FAAH2: variants seen among roughly 807,000 people sequenced by gnomAD.
FAAH2 encodes fatty acid amide hydrolase 2.
In FAAH2, 60 loss-of-function variants were observed where a neutral mutation model predicts 36.9. That is an observed-to-expected ratio of 1.63 (90% CI 1.32 to 2.02). The LOEUF (loss-of-function observed/expected upper bound fraction) is 2.02, where lower values mean the gene tolerates loss of function less well. FAAH2 is among the 30% of genes most tolerant of loss of function. The probability of loss-of-function intolerance (pLI) is 0.00; values close to 1 mark genes in which losing one functional copy is unlikely to be tolerated. For missense variants in FAAH2, 689 were observed against 397.5 expected, an observed-to-expected ratio of 1.73 and a Z score of -6.23; for synonymous variants, 214 against 143.8, an observed-to-expected ratio of 1.49 and a Z score of -3.49.
the FAAH2 span, among the ~76,000 whole-genome samples, chrX:57,243,319 G>T: frequency 3.6e-5 from 4 of 111,852 alleles, no homozygotes; most frequent in Non-Finnish European, 5.6e-5. Context: ...GGCTGTGGGC[G>T]CAACTTCAGC....
chrX:57,229,275 G>A, the FAAH2 span: 3 of 111,568 alleles, frequency 2.7e-5, no homozygotes, highest in African/African-American at 9.8e-5. Flanking sequence ...GAGTGAAAAA[G>A]AGGATGAAGA....
chrX:57,123,835 C>T, the FAAH2 span, among the ~76,000 whole-genome samples: 1 of 112,082 alleles, frequency 8.9e-6, no homozygotes, highest in African/African-American at 3.2e-5. Flanking sequence ...CCTTTGCCCA[C>T]TTTTTGATGG....
chrX:57,162,004 G>A, the FAAH2 span, among the ~76,000 whole-genome samples: 1 of 108,816 alleles, frequency 9.2e-6, no homozygotes, highest in African/African-American at 3.3e-5. Flanking sequence ...GGTACCGGTT[G>A]TTCCTTTCCA....
chrX:57,133,594 A>G, the FAAH2 span, among the ~76,000 whole-genome samples: 2 of 111,588 alleles, frequency 1.8e-5, no homozygotes, highest in African/African-American at 3.3e-5. Flanking sequence ...TGAGGGCCCT[A>G]ATCCTCACGT....
intron 3 of FAAH2, among the ~76,000 whole-genome samples, chrX:57,311,166 C>T (rs996924737): frequency 1.8e-5 from 2 of 111,567 alleles, no homozygotes; most frequent in Non-Finnish European, 3.8e-5. Flanking sequence ...AAGTAAACAA[C>T]GTATTTTTAA....
At chrX:57,413,515 G>GATC (rs2055755867) in intron 7 of FAAH2, among the ~76,000 whole-genome samples, 1 of 111,507 alleles carries the variant, frequency 9.0e-6, no homozygotes, top group South Asian at 3.8e-4. Context: ...GTTTGTCGAA[G>GATC]ATCAGATGGT....
the FAAH2 span, among the ~76,000 whole-genome samples, chrX:57,223,165 G>A: frequency 8.9e-6 from 1 of 112,049 alleles, no homozygotes; most frequent in Non-Finnish European, 1.9e-5. Flanking sequence ...CCTTCAAGCT[G>A]CCAGGCTTCT....
chrX:57,189,826 C>G, the FAAH2 span, among the ~76,000 whole-genome samples: 2 of 111,987 alleles, frequency 1.8e-5, no homozygotes, highest in Non-Finnish European at 3.8e-5. Flanking sequence ...GTCTGTCAAC[C>G]CCTCTTGGGA....
the FAAH2 span, among the ~76,000 whole-genome samples, chrX:57,242,470 T>C: frequency 8.9e-6 from 1 of 111,844 alleles, no homozygotes; most frequent in African/African-American, 3.2e-5. Context: ...TGGCTGGCAA[T>C]ATGGCTAAAC....
the FAAH2 span, among the ~76,000 whole-genome samples, chrX:57,185,974 C>A: frequency 9.0e-6 from 1 of 111,400 alleles, no homozygotes; most frequent in Non-Finnish European, 1.9e-5. Context: ...CATTGATGGG[C>A]ATTTGGGTTG....
At chrX:57,192,600 T>C in the FAAH2 span, among the ~76,000 whole-genome samples, 1 of 111,458 alleles carries the variant, frequency 9.0e-6, no homozygotes, top group Non-Finnish European at 1.9e-5. Flanking sequence ...TGTATATGGC[T>C]TTTATTATAT....
chrX:57,204,018 G>T, the FAAH2 span, among the ~76,000 whole-genome samples: 10 of 111,257 alleles, frequency 9.0e-5, no homozygotes, highest in Admixed American at 9.5e-4. Context: ...TCTACCATCT[G>T]ACTGTTTTGT....
intron 5 of FAAH2, among the ~76,000 whole-genome samples, chrX:57,365,118 G>GT (rs1301372984): frequency 6.3e-5 from 7 of 111,250 alleles, no homozygotes; most frequent in African/African-American, 2.3e-4. Context: ...GATTATCTGT[G>GT]TAACTTGTCA....
chrX:57,273,956 A>T, the FAAH2 span, among the ~76,000 whole-genome samples: 1 of 111,703 alleles, frequency 9.0e-6, no homozygotes, highest in Non-Finnish European at 1.9e-5. Flanking sequence ...CCTCCAAAAA[A>T]TCAATGAATT....
chrX:57,312,115 C>T (rs1202821480), intron 3 of FAAH2, among the ~76,000 whole-genome samples: 1 of 112,397 alleles, frequency 8.9e-6, no homozygotes, highest in Non-Finnish European at 1.9e-5. Flanking sequence ...GCCAGCACAG[C>T]ACCATTGATC....
chrX:57,153,401 C>A, the FAAH2 span, among the ~76,000 whole-genome samples: 10 of 111,818 alleles, frequency 8.9e-5, no homozygotes, highest in East Asian at 2.0e-3. Flanking sequence ...CTATTCCATT[C>A]ATTGTATTAT....
the FAAH2 span, among the ~76,000 whole-genome samples, chrX:57,233,954 C>T: frequency 8.9e-6 from 1 of 112,852 alleles, no homozygotes; most frequent in African/African-American, 3.2e-5. Context: ...TGGACAGCAT[C>T]TTTTGTTACT....
intron 8 of FAAH2, among the ~76,000 whole-genome samples, chrX:57,446,108 T>C (rs1288352311): frequency 8.9e-6 from 1 of 112,134 alleles, no homozygotes; most frequent in East Asian, 2.8e-4. Context: ...CAGGACTGGG[T>C]TGCAATGCAA....
chrX:57,292,376 G>A, intron 1 of FAAH2, 122 bp from the exon 2 acceptor site: 2 of 587,813 alleles, frequency 3.4e-6, no homozygotes, highest in South Asian at 6.2e-5. Context: ...GGACTACACT[G>A]TGTAATTCAC....
Sources: gnomAD v4.1 joint callset for allele counts (sites outside exome capture counted in the v4.1 genomes callset) on GRCh38, gnomAD v4.1.1 for gene constraint, MANE v1.5 for transcripts, NCBI Gene and HGNC (gene_info 2026-07-23, HGNC 2026-07-21) for gene names.